The following BLTP1 variants were observed in gnomAD, a reference collection of about 807,000 sequenced individuals.
BLTP1 encodes the protein bridge-like lipid transfer protein family member 1.
chr4:122,316,612 A>G, the BLTP1 span: 5 of 1,343,404 alleles, frequency 3.7e-6, no homozygotes, highest in Admixed American at 1.9e-5. Context: ...GAGAATTCCA[A>G]CCTTAATATA....
the BLTP1 span, chr4:122,207,713 C>T: frequency 1.0e-5 from 13 of 1,242,784 alleles, no homozygotes; most frequent in Admixed American, 1.5e-4. Flanking sequence ...TATCTTCACT[C>T]TCTTCTCCCC....
At chr4:122,340,701 C>T in the BLTP1 span, 1 of 984,246 alleles carries the variant, frequency 1.0e-6, no homozygotes, top group Non-Finnish European at 1.2e-6. Flanking sequence ...AATGTGGTCA[C>T]CCATTATCTA....
the BLTP1 span, chr4:122,306,189 C>T: frequency 6.5e-6 from 5 of 773,624 alleles, no homozygotes; most frequent in African/African-American, 5.5e-5. Flanking sequence ...AAAAAAAAAT[C>T]TTGCTTTTTG....
At chr4:122,172,727 T>C in the BLTP1 span, among the ~76,000 whole-genome samples, 1 of 152,204 alleles carries the variant, frequency 6.6e-6, no homozygotes, top group East Asian at 1.9e-4. Context: ...TAAAGGTGAA[T>C]TTGTTTCAGA....
chr4:122,239,455 G>T, the BLTP1 span: 233 of 1,311,312 alleles, frequency 1.8e-4, 1 homozygote, highest in East Asian at 5.5e-3. Context: ...ATTGATATTT[G>T]TTTTTATGCT....
chr4:122,197,387 T>A, the BLTP1 span: 28 of 1,007,328 alleles, frequency 2.8e-5, no homozygotes, highest in African/African-American at 8.5e-5. Flanking sequence ...TTCAGTTTTT[T>A]AATTATATTT....
the BLTP1 span, chr4:122,209,942 A>T: frequency 5.6e-6 from 9 of 1,609,278 alleles, no homozygotes; most frequent in African/African-American, 1.2e-4. Flanking sequence ...TTTTTATATA[A>T]TTTGTGCTTT....
the BLTP1 span, chr4:122,325,385 TG>T: frequency 1.3e-6 from 2 of 1,522,622 alleles, no homozygotes; most frequent in Non-Finnish European, 1.8e-6. Context: ...TACAAAATTA[TG>T]GTATTATACT....
the BLTP1 span, chr4:122,210,971 C>T: frequency 6.2e-7 from 1 of 1,613,020 alleles, no homozygotes; most frequent in Non-Finnish European, 8.5e-7. Context: ...CCCTCTACTT[C>T]TTCACGCCCA....
chr4:122,167,557 C>T, the BLTP1 span: 13 of 521,450 alleles, frequency 2.5e-5, no homozygotes, highest in African/African-American at 1.2e-4. Flanking sequence ...TCTCCTGTGC[C>T]GCCTCCTGCC....
At chr4:122,249,529 A>G in the BLTP1 span, 2 of 1,613,724 alleles carry the variant, frequency 1.2e-6, no homozygotes, top group South Asian at 2.2e-5. Flanking sequence ...TGAGAAGTCC[A>G]AAGTTTTATT....
chr4:122,199,068 G>A, the BLTP1 span, among the ~76,000 whole-genome samples: 1 of 152,120 alleles, frequency 6.6e-6, no homozygotes, highest in Non-Finnish European at 1.5e-5. Context: ...AAGTAGTTGT[G>A]TTCTGTAACT....
At chr4:122,189,865 C>G in the BLTP1 span, 2 of 1,314,996 alleles carry the variant, frequency 1.5e-6, no homozygotes. Flanking sequence ...TCTTTCTTTT[C>G]AGGATGCTAC....
the BLTP1 span, chr4:122,311,099 GAATATATTTGGAAA>G: frequency 6.2e-6 from 1 of 161,116 alleles, no homozygotes; most frequent in East Asian, 1.9e-4. Context: ...AAAATAAGTA[GAATATATTTGGAAA>G]AAAAGGAAGT....
At chr4:122,154,717 C>T in the BLTP1 span, among the ~76,000 whole-genome samples, 8 of 152,034 alleles carry the variant, frequency 5.3e-5, no homozygotes, top group African/African-American at 1.9e-4. Context: ...ACTAAAAATA[C>T]AAAAATTTAG....
chr4:122,226,591 T>G, the BLTP1 span: 1 of 1,519,076 alleles, frequency 6.6e-7, no homozygotes, highest in Non-Finnish European at 8.7e-7. Flanking sequence ...AGCAGAAGTT[T>G]TAAGACAGTG....
chr4:122,283,629 T>G, the BLTP1 span, among the ~76,000 whole-genome samples: 2 of 152,140 alleles, frequency 1.3e-5, no homozygotes, highest in African/African-American at 4.8e-5. Flanking sequence ...GTCTCAGCCC[T>G]GTGAGTAGCC....
chr4:122,349,817 G>A, the BLTP1 span: 2 of 1,606,268 alleles, frequency 1.2e-6, no homozygotes, highest in East Asian at 2.2e-5. The surrounding 1 kb of genome is among the most constrained non-coding windows in gnomAD (Gnocchi z 4.5). Context: ...TTGAGTATCT[G>A]CTGTAAGACA....
chr4:122,334,597 A>T, the BLTP1 span: 2 of 1,559,584 alleles, frequency 1.3e-6, no homozygotes, highest in Non-Finnish European at 1.8e-6. Flanking sequence ...ATTTTTAGTT[A>T]TTACCTACTT....
Sources: allele counts gnomAD v4.1 joint callset (sites outside exome capture counted in the v4.1 genomes callset), GRCh38; gene constraint gnomAD v4.1.1; non-coding constraint Gnocchi (gnomAD v3.1); transcripts MANE v1.5; gene names NCBI Gene and HGNC (gene_info 2026-07-23, HGNC 2026-07-21).